The following ADAMTSL1 variants were observed in gnomAD, a reference collection of about 807,000 sequenced individuals.
ADAMTSL1 encodes ADAMTS-like protein 1.
A neutral mutation model predicts 201.8 loss-of-function variants in ADAMTSL1; 126 were observed. That is an observed-to-expected ratio of 0.62 (90% CI 0.54 to 0.72). The LOEUF (loss-of-function observed/expected upper bound fraction) is 0.72, where lower values mean the gene tolerates loss of function less well. Ranked by LOEUF, ADAMTSL1 falls within the 30% of genes least tolerant of loss-of-function variation. The pLI, the probability that ADAMTSL1 is intolerant of heterozygous loss-of-function variation, is 0.00. For synonymous variants in ADAMTSL1, 1,121 were observed against 903.4 expected, an observed-to-expected ratio of 1.24 and a Z score of -4.32; for missense variants, 2,679 against 2,277.8, an observed-to-expected ratio of 1.18 and a Z score of -3.59.
In ADAMTSL1 at chr9:18,910,305, A is replaced by ATCTT. The variant is rs1830531372; in HGVS notation, c.*1759_*1762dup. 6.6e-6 allele frequency: 1 copy of ATCTT among 152,230 alleles called. No individual in the cohort carries two copies. The highest frequency in any genetic ancestry group is 2.4e-5 in the African/African-American group (1 of 41,462). 9.4% of individuals were successfully genotyped at this position (152,230 alleles called of 1,614,324 possible). A position where few individuals can be genotyped will look rare whatever the true frequency, so the allele number is the denominator to read the frequency against. On this transcript the variant is annotated 3_prime_UTR_variant, in exon 29 of 29. Coordinates refer to ENST00000380548, the MANE Select transcript of ADAMTSL1 (RefSeq NM_001040272.6). Reference sequence around the variant, plus strand: ...AAAAGAATGTTTTCTATGTCTGTATATCTTTTGTGAATATTTATTAGGATT... The same window carrying ATCTT: ...AAAAGAATGTTTTCTATGTCTGTATATCTTTCTTTTGTGAATATTTATTAGGATT...
At chr9:18,560,864 T>C (rs1362752535) in intron 3 of ADAMTSL1, among the ~76,000 whole-genome samples, 1 of 150,510 alleles carries the variant, frequency 6.6e-6, no homozygotes, top group Non-Finnish European at 1.5e-5. Flanking sequence ...CCCCTTATCA[T>C]TGTTTATTGC....
rs566145116 is a variant in ADAMTSL1, at chr9:17,932,911, C to A, written c.87+25989C>A. Among the ~76,000 whole-genome samples, 169 of 152,198 alleles carry A rather than the reference C, an allele frequency of 1.1e-3. 1 individual carries two copies. The highest frequency in any genetic ancestry group is 6.9e-3 in the South Asian group (33 of 4,810). On this transcript the variant is annotated intron_variant, in intron 1 of 29. Transcript: ENST00000680146. Reference sequence around the variant, plus strand: ...GATTATTTCTTCATATTTTAGGACTCATTTCTTCAAGTGGTTTCGACTTCC... The same window carrying A: ...GATTATTTCTTCATATTTTAGGACTAATTTCTTCAAGTGGTTTCGACTTCC...
chr9:18,048,373 T>C (rs1821767185), intron 1 of ADAMTSL1, among the ~76,000 whole-genome samples: 1 of 152,174 alleles, frequency 6.6e-6, no homozygotes, highest in African/African-American at 2.4e-5. Context: ...TTTATGCACA[T>C]TGTCACTGTT....
chr9:18,885,095 T>C (rs1285274420), intron 23 of ADAMTSL1, among the ~76,000 whole-genome samples: 2 of 152,194 alleles, frequency 1.3e-5, no homozygotes, highest in East Asian at 3.8e-4. Flanking sequence ...GTGTTCAAGA[T>C]TTTTGTCTCT....
At chr9:18,889,870 T>C in intron 25 of ADAMTSL1, 122 bp downstream of exon 25, 1 of 1,035,708 alleles carries the variant, frequency 9.7e-7, no homozygotes, top group Non-Finnish European at 1.3e-6. Flanking sequence ...AAGGAGCTGT[T>C]CTTCCCTCTA....
At chr9:18,758,620 C>A (rs56277553) in intron 16 of ADAMTSL1, among the ~76,000 whole-genome samples, 2,530 of 152,302 alleles carry the variant, frequency 0.017, 77 homozygotes, top group African/African-American at 0.057. Context: ...TTCATCCTCT[C>A]TCTCTGACTC....
At chr9:18,227,124 A>G (rs1299421863) in intron 2 of ADAMTSL1, among the ~76,000 whole-genome samples, 1 of 152,040 alleles carries the variant, frequency 6.6e-6, no homozygotes, top group Non-Finnish European at 1.5e-5. Context: ...TTTTCCTAAC[A>G]AAACATTACC....
chr9:18,777,301 C>T lies in ADAMTSL1; in HGVS notation c.3072C>T (p.Leu1024=), dbSNP rs752732254. The change falls in exon 19 of 29, where the codon CTC becomes CTT. Residue 1024 remains leucine (L), a synonymous_variant. Coordinates refer to ENST00000380548, the MANE Select transcript of ADAMTSL1 (RefSeq NM_001040272.6). ...ACCCGGGGAGCCGCTACGACGACCTCGTCTCCCGGCTGCTGGAGCAGGGCG... is the reference window on the plus strand; with the variant it reads ...ACCCGGGGAGCCGCTACGACGACCTTGTCTCCCGGCTGCTGGAGCAGGGCG... ...AANPGSRYDD[L]VSRLLEQGGW... 60 of 1,604,030 alleles carry T rather than the reference C, an allele frequency of 3.7e-5. No homozygotes were observed. Among genetic ancestry groups the T allele is most frequent in the Non-Finnish European group, 5.0e-5 (59 of 1,175,586 alleles).
intron 2 of ADAMTSL1, among the ~76,000 whole-genome samples, chr9:18,211,379 A>G (rs958331988): frequency 2.0e-5 from 3 of 152,162 alleles, no homozygotes; most frequent in Non-Finnish European, 4.4e-5. Context: ...GACCCATTTA[A>G]TTTCATAAAC....
rs1165094489 is a variant in ADAMTSL1, at chr9:17,911,421, G to T, written c.87+4499G>T. ...TAGCAATCCACTGTAAAACGAAGAAGGCTGGTCAAGAGGATGTGTTACTAG... is the reference window on the plus strand; with the variant it reads ...TAGCAATCCACTGTAAAACGAAGAATGCTGGTCAAGAGGATGTGTTACTAG... On this transcript the variant is annotated intron_variant, in intron 1 of 29. Coordinates refer to the ADAMTSL1 transcript ENST00000680146. Among the ~76,000 whole-genome samples the T allele has an allele frequency of 4.4e-5, 3 of 68,466 alleles. 1 individual carries two copies. Among genetic ancestry groups the T allele is most frequent in the Admixed American group, 3.6e-4 (2 of 5,632 alleles). 44.9% of individuals were successfully genotyped at this position (68,466 alleles called of 152,430 possible).
At chr9:18,366,855 G>A (rs1836791448) in intron 2 of ADAMTSL1, among the ~76,000 whole-genome samples, 1 of 151,998 alleles carries the variant, frequency 6.6e-6, no homozygotes, top group East Asian at 1.9e-4. Context: ...TAATCCACCT[G>A]CCTTGGCCTC....
intron 2 of ADAMTSL1, among the ~76,000 whole-genome samples, chr9:18,434,540 T>C (rs912475151): frequency 1.3e-5 from 2 of 151,850 alleles, no homozygotes; most frequent in African/African-American, 4.8e-5. Flanking sequence ...GAAAAGAAAA[T>C]GTTCAAGAGT....
intron 14 of ADAMTSL1, among the ~76,000 whole-genome samples, chr9:18,711,213 A>G (rs1832567717): frequency 6.6e-6 from 1 of 152,228 alleles, no homozygotes; most frequent in Non-Finnish European, 1.5e-5. Flanking sequence ...CAGAAAAGGA[A>G]ACATATAATA....
At chr9:18,282,524 T>G (rs1832828684) in intron 2 of ADAMTSL1, among the ~76,000 whole-genome samples, 1 of 152,222 alleles carries the variant, frequency 6.6e-6, no homozygotes, top group Admixed American at 6.5e-5. Flanking sequence ...AAAATAAAAT[T>G]TCAGCTCTTT....
chr9:18,316,457 G>A (rs143701327), intron 2 of ADAMTSL1, among the ~76,000 whole-genome samples: 384 of 152,172 alleles, frequency 2.5e-3, no homozygotes, highest in African/African-American at 8.9e-3. Flanking sequence ...ACCTCCAGGC[G>A]TGTATTCTCT....
intron 1 of ADAMTSL1, among the ~76,000 whole-genome samples, chr9:18,138,052 G>C (rs527399808): frequency 6.6e-6 from 1 of 152,128 alleles, no homozygotes; most frequent in Non-Finnish European, 1.5e-5. Context: ...CTGTAGAGCA[G>C]GGTTTGATTC....
intron 1 of ADAMTSL1, among the ~76,000 whole-genome samples, chr9:18,043,939 T>G (rs2131641901): frequency 6.7e-6 from 1 of 149,428 alleles, no homozygotes; most frequent in Non-Finnish European, 1.5e-5. Context: ...GTAAAATTTC[T>G]AGTGAATTTC....
chr9:18,096,578 C>T (rs1824262923), intron 1 of ADAMTSL1, among the ~76,000 whole-genome samples: 1 of 152,208 alleles, frequency 6.6e-6, no homozygotes, highest in Admixed American at 6.5e-5. Context: ...TGTTCTCTGT[C>T]ACATTCTTCA....
intron 2 of ADAMTSL1, among the ~76,000 whole-genome samples, chr9:18,171,220 A>G (rs919519838): frequency 6.6e-6 from 1 of 152,082 alleles, no homozygotes; most frequent in African/African-American, 2.4e-5. Context: ...CATATAAAAA[A>G]GAACTTGGTA....
Sources: allele counts gnomAD v4.1 joint callset (sites outside exome capture counted in the v4.1 genomes callset), GRCh38; gene constraint gnomAD v4.1.1; transcripts MANE v1.5; gene names NCBI Gene and HGNC (gene_info 2026-07-23, HGNC 2026-07-21).